SNCG: variants seen among roughly 807,000 people sequenced by gnomAD.
The protein encoded by SNCG is gamma-synuclein.
Under a neutral mutation model 16.0 loss-of-function variants are expected in SNCG, and 13 were observed. That is an observed-to-expected ratio of 0.81 (90% CI 0.53 to 1.29). The LOEUF (loss-of-function observed/expected upper bound fraction) is 1.29, where lower values mean the gene tolerates loss of function less well. Among genes scored for constraint, SNCG ranks in the 50% most tolerant of loss-of-function variants. The probability of loss-of-function intolerance (pLI) is 0.00; values close to 1 mark genes in which losing one functional copy is unlikely to be tolerated. For synonymous variants in SNCG, 66 were observed against 66.3 expected (o/e 1.00, Z 0.02); for missense variants, 154 against 168.5 (o/e 0.91, Z 0.48).
chr10:86,962,651 A>C lies in SNCG; in HGVS notation c.339A>C (p.Lys113Asn). Residue 113 changes from lysine to asparagine, a missense_variant, in exon 4 of 5, where the codon AAA becomes AAC. Coordinates refer to ENST00000372017, the MANE Select transcript of SNCG (RefSeq NM_003087.3). ...CCCAACAGGAGGGTGAGGCATCCAA[A>C]GAGAAAGAGGAAGTGGCAGAGGAGG... The part of the protein sequence containing the change: ...SAPQQEGEAS[K>N]EKEEVAEEAQ... The C allele has an allele frequency of 6.2e-7, 1 of 1,612,868 alleles. No individual in the cohort carries two copies.
upstream of SNCG, chr10:86,957,343 C>T (rs1398045081): frequency 4.4e-6 from 7 of 1,609,166 alleles, no homozygotes; most frequent in Non-Finnish European, 5.9e-6. Context: ...TCAGATCCTA[C>T]TCCATGACCT....
chr10:86,957,805 T>G (rs994856576), upstream of SNCG: 1 of 1,263,172 alleles, frequency 7.9e-7, no homozygotes, highest in Non-Finnish European at 1.0e-6. Context: ...GTGGTAGACA[T>G]GGGGTGGCCC....
At chr10:86,958,075 C>T, upstream of SNCG, 1 of 984,326 alleles carries the variant, frequency 1.0e-6, no homozygotes, top group Non-Finnish European at 1.2e-6. Context: ...CATTTCCCCA[C>T]CCCCACCCAC....
rs1844278756 is a variant in SNCG at position 86,958,619 on chromosome 10, T to G, written c.-79T>G. ...TCGGGGACAGCCGCTGCGGCAGCAC[T>G]CGAGCCAGCTCAAGCCCGCAGCTCG... On this transcript the variant is annotated 5_prime_UTR_variant, in exon 1 of 5. Transcript: ENST00000372017. 6.4e-7 allele frequency: 1 copy of G among 1,565,642 alleles called. No individual in the cohort carries two copies. The highest frequency in any genetic ancestry group is 1.4e-5 in the African/African-American group (1 of 73,356).
At position 86,959,492 on chromosome 10, in the gene SNCG, C is replaced by A. The variant is rs1589311996; in HGVS notation, c.122-141C>A. On this transcript the variant is annotated intron_variant, in intron 1 of 4. Coordinates refer to ENST00000372017, the MANE Select transcript of SNCG (RefSeq NM_003087.3). The surrounding 1 kb of genome is among the most constrained non-coding windows in gnomAD (Gnocchi z 4.3). ...TCCAGACACAGCAGGAAGAGGCCCT[C>A]TGAAGGGGCCGCCGGCCCCCAGACA... 1 of 710,978 alleles carries A rather than the reference C, an allele frequency of 1.4e-6. No individual in the cohort carries two copies. Among genetic ancestry groups the A allele is most frequent in the East Asian group, 2.7e-5 (1 of 37,236 alleles). The allele number at this position is 710,978 out of a possible 1,614,324, so 44.0% of individuals were successfully genotyped here. A position where few individuals can be genotyped will look rare whatever the true frequency, so the allele number is the denominator to read the frequency against.
At chr10:86,957,688 G>A (rs746756447), upstream of SNCG, 71 of 1,328,662 alleles carry the variant, frequency 5.3e-5, no homozygotes, top group South Asian at 6.0e-4. Flanking sequence ...CGGCCTACCC[G>A]GTGGGTCTTG....
At chr10:86,956,469 C>A (rs1036836701), upstream of SNCG, among the ~76,000 whole-genome samples, 114 of 152,328 alleles carry the variant, frequency 7.5e-4, 1 homozygote, top group African/African-American at 2.5e-3. Flanking sequence ...TGTAGATGCC[C>A]TTAGCCAAAC....
At chr10:86,962,723 G>A in intron 4 of SNCG, 48 bp downstream of exon 4, 8 of 1,455,828 alleles carry the variant, frequency 5.5e-6, no homozygotes, top group South Asian at 2.4e-5. Context: ...CCTTGGTAGG[G>A]ACCCCATCCC....
upstream of SNCG, chr10:86,958,494 C>T (rs1351321794): frequency 2.5e-6 from 3 of 1,220,748 alleles, no homozygotes; most frequent in African/African-American, 3.2e-5. Flanking sequence ...GGCTGAACCT[C>T]CTTCCCTCCC....
Position 86,958,693 on chromosome 10 carries a change from C to A in SNCG, c.-5C>A, listed in dbSNP as rs1844280652. 1 of 1,613,852 alleles carries A rather than the reference C, an allele frequency of 6.2e-7. No individual in the cohort carries two copies. Among genetic ancestry groups the A allele is most frequent in the Non-Finnish European group, 8.5e-7 (1 of 1,179,968 alleles). On this transcript the variant is annotated 5_prime_UTR_variant, in exon 1 of 5. Coordinates refer to ENST00000372017, the MANE Select transcript of SNCG (RefSeq NM_003087.3). ...CCTGCAGCAGCACAACCCTGCACAC[C>A]CACCATGGATGTCTTCAAGAAGGGC...
rs892834905 is a variant in SNCG, at chr10:86,959,531, C to G, written c.122-102C>G. The G allele has an allele frequency of 5.8e-6, 6 of 1,035,664 alleles. No individual in the cohort carries two copies. Among genetic ancestry groups the G allele is most frequent in the Middle Eastern group, 2.0e-4 (1 of 4,990 alleles). The allele number at this position is 1,035,664 out of a possible 1,614,324, so 64.2% of individuals were successfully genotyped here. On this transcript the variant is annotated intron_variant, in intron 1 of 4. Coordinates refer to ENST00000372017, the MANE Select transcript of SNCG (RefSeq NM_003087.3). This position sits in a 1 kb window ranked among gnomAD's most constrained non-coding sequence, Gnocchi z 4.3. ...GGCCCCCAGACACCATCCTTACCCC[C>G]CCACCGACCCCACAGTTTGTCCAGC...
upstream of SNCG, chr10:86,957,292 C>G: frequency 7.1e-7 from 1 of 1,400,882 alleles, no homozygotes; most frequent in South Asian, 1.2e-5. Context: ...GATGGGACCC[C>G]AGTGAGGTCT....
chr10:86,957,448 G>A, upstream of SNCG: 1 of 1,613,794 alleles, frequency 6.2e-7, no homozygotes, highest in Non-Finnish European at 8.5e-7. Flanking sequence ...GAGCTCTGCA[G>A]ATCAGAGAGG....
rs775614310 is a variant in SNCG at position 86,960,115 on chromosome 10, G to A, written c.278G>A (p.Gly93Glu). 4 of 1,612,446 alleles carry A rather than the reference G, an allele frequency of 2.5e-6. No individual in the cohort carries two copies. In the East Asian group the frequency reaches 6.7e-5, roughly 27 times the overall value. ...EEAENIAVTSGVVRKEDLRPS... is the reference protein window; with the variant it reads ...EEAENIAVTSEVVRKEDLRPS... ...GCGGAGAACATCGCGGTCACCTCCG[G>A]GGTGGTGCGCAAGGTGAGCCCCGGC... Residue 93 changes from glycine (G) to glutamate (E), a missense_variant, in exon 3 of 5, where the codon GGG becomes GAG. Gly to Glu is a moderately conservative substitution (Grantham distance 98, BLOSUM62 -2). Coordinates refer to ENST00000372017, the MANE Select transcript of SNCG (RefSeq NM_003087.3).
At chr10:86,957,389 G>T, upstream of SNCG, 4 of 1,613,240 alleles carry the variant, frequency 2.5e-6, no homozygotes, top group South Asian at 3.3e-5. Context: ...GTCCTACGGG[G>T]TCCTTGCCGG....
Position 86,963,018 on chromosome 10 carries a change from G to A in SNCG, c.*33G>A, listed in dbSNP as rs1844383459. ...CAGGCCAGCGTGGATGACCTGAAGA[G>A]CGCTCCTCTGCCTTGGACACCATCC... On this transcript the variant is annotated 3_prime_UTR_variant, in exon 5 of 5. Coordinates refer to ENST00000372017, the MANE Select transcript of SNCG (RefSeq NM_003087.3). The A allele has an allele frequency of 1.3e-6, 2 of 1,590,354 alleles. No homozygotes were observed. The highest frequency in any genetic ancestry group is 2.3e-5 in the South Asian group (2 of 86,840).
In SNCG at chr10:86,959,196, C is replaced by T. The variant is rs115331426; in HGVS notation, c.121+378C>T. Among the ~76,000 whole-genome samples, 498 of 152,246 alleles carry T rather than the reference C, an allele frequency of 3.3e-3. 3 individuals are homozygous for T. The highest frequency in any genetic ancestry group is 0.011 in the African/African-American group (453 of 41,550). Reference sequence around the variant, plus strand: ...AGCGGCTACAGCCAGGTCACGGATCCCCTCCCTCCCCAGAGAGAAGGGGCA... The same window carrying T: ...AGCGGCTACAGCCAGGTCACGGATCTCCTCCCTCCCCAGAGAGAAGGGGCA... On this transcript the variant is annotated intron_variant, in intron 1 of 4. Coordinates refer to ENST00000372017, the MANE Select transcript of SNCG (RefSeq NM_003087.3). This position sits in a 1 kb window ranked among gnomAD's most constrained non-coding sequence, Gnocchi z 4.3.
At chr10:86,961,870 C>G (rs939232235) in intron 3 of SNCG, among the ~76,000 whole-genome samples, 1 of 152,248 alleles carries the variant, frequency 6.6e-6, no homozygotes, top group Non-Finnish European at 1.5e-5. Context: ...CCCCGCCTCC[C>G]CCCCGTCCCC....
At position 86,961,332 on chromosome 10, in the gene SNCG, A is replaced by G. The variant is rs1052249196; in HGVS notation, c.291+1204A>G. Among the ~76,000 whole-genome samples, 4 of 152,118 alleles carry G rather than the reference A, an allele frequency of 2.6e-5. No individual in the cohort carries two copies. In the East Asian group the frequency reaches 7.7e-4, roughly 29 times the overall value. On this transcript the variant is annotated intron_variant, in intron 3 of 4. Coordinates refer to ENST00000372017, the MANE Select transcript of SNCG (RefSeq NM_003087.3). ...TCTGGGCCTCCGTGTTCTCATCTGC[A>G]AGATGGGGGTGAGAGTGTCGGCCTC...
Sources: allele counts gnomAD v4.1 joint callset (sites outside exome capture counted in the v4.1 genomes callset), GRCh38; gene constraint gnomAD v4.1.1; non-coding constraint Gnocchi (gnomAD v3.1); transcripts MANE v1.5; gene names NCBI Gene and HGNC (gene_info 2026-07-23, HGNC 2026-07-21).